The following CADM2 variants were observed in gnomAD, a reference collection of about 807,000 sequenced individuals.
The protein encoded by CADM2 is cell adhesion molecule 2, also known as immunoglobulin superfamily member 4D.
Under a neutral mutation model 49.8 loss-of-function variants are expected in CADM2, and 12 were observed. The observed-to-expected ratio is 0.24, with a 90% CI of 0.15 to 0.39. CADM2 has a LOEUF of 0.39. CADM2 is among the 10% of genes least tolerant of loss of function. The pLI is 1.00. For synonymous variants in CADM2, 214 were observed against 175.4 expected, an observed-to-expected ratio of 1.22 and a Z score of -1.74; for missense variants, 378 against 492.3, an observed-to-expected ratio of 0.77 and a Z score of 2.20.
chr3:85,436,844 A>C (rs991200636), intron 1 of CADM2, among the ~76,000 whole-genome samples: 1 of 152,202 alleles, frequency 6.6e-6, no homozygotes, highest in Admixed American at 6.5e-5. Context: ...ATGAACCTAC[A>C]TTGACACATC....
chr3:85,895,670 G>A (rs1715122853), intron 5 of CADM2, among the ~76,000 whole-genome samples: 1 of 152,176 alleles, frequency 6.6e-6, no homozygotes, highest in African/African-American at 2.4e-5. Context: ...GAGGGACCCA[G>A]TGGGAGGTAA....
At chr3:85,134,539 A>G (rs1166499998) in intron 1 of CADM2, among the ~76,000 whole-genome samples, 1 of 152,250 alleles carries the variant, frequency 6.6e-6, no homozygotes, top group Non-Finnish European at 1.5e-5. Flanking sequence ...CAGTTTTTGT[A>G]ATTTTAGCAG....
intron 1 of CADM2, among the ~76,000 whole-genome samples, chr3:85,092,947 G>T (rs540076812): frequency 6.6e-6 from 1 of 151,924 alleles, no homozygotes; most frequent in African/African-American, 2.4e-5. Flanking sequence ...AGGTTTTATT[G>T]TCCTGTTTTA....
intron 3 of CADM2, among the ~76,000 whole-genome samples, chr3:85,807,200 A>G (rs1363418394): frequency 6.6e-6 from 1 of 152,084 alleles, no homozygotes; most frequent in Non-Finnish European, 1.5e-5. Flanking sequence ...GAAGATATAC[A>G]TAGATTAAGA....
At chr3:85,592,162 C>T (rs2063124649) in intron 1 of CADM2, among the ~76,000 whole-genome samples, 1 of 151,756 alleles carries the variant, frequency 6.6e-6, no homozygotes, top group East Asian at 1.9e-4. Flanking sequence ...ATTAATATAA[C>T]AAGATGGAAA....
chr3:85,822,097 G>A (rs1471586593), intron 3 of CADM2, among the ~76,000 whole-genome samples: 1 of 152,030 alleles, frequency 6.6e-6, no homozygotes, highest in Non-Finnish European at 1.5e-5. Context: ...CTTGGTTGTG[G>A]CTTATTAATT....
At chr3:85,058,133 AT>A (rs2036163092) in intron 1 of CADM2, among the ~76,000 whole-genome samples, 1 of 152,178 alleles carries the variant, frequency 6.6e-6, no homozygotes, top group Admixed American at 6.5e-5. Context: ...TATGTAAACT[AT>A]GGGAAAAGTT....
chr3:85,381,906 T>C (rs1280669528), intron 1 of CADM2, among the ~76,000 whole-genome samples: 2 of 151,964 alleles, frequency 1.3e-5, no homozygotes, highest in East Asian at 3.9e-4. Flanking sequence ...TCAGAAAGGC[T>C]CAGAAAAACC....
At chr3:85,891,020 CT>C (rs34058516) in intron 5 of CADM2, among the ~76,000 whole-genome samples, 16 of 151,884 alleles carry the variant, frequency 1.1e-4, no homozygotes, top group African/African-American at 3.4e-4. Flanking sequence ...AATAGTGAGA[CT>C]TTTTTTTAAT....
At chr3:85,731,929 T>A (rs2067948919) in intron 2 of CADM2, among the ~76,000 whole-genome samples, 1 of 151,918 alleles carries the variant, frequency 6.6e-6, no homozygotes, top group African/African-American at 2.4e-5. Flanking sequence ...CTTAACTACT[T>A]TTTTAAAGCT....
intron 1 of CADM2, among the ~76,000 whole-genome samples, chr3:85,116,427 A>G (rs2038640764): frequency 6.6e-6 from 1 of 152,138 alleles, no homozygotes; most frequent in African/African-American, 2.4e-5. Flanking sequence ...CTAGTTTAAA[A>G]AATAAGAAAA....
intron 1 of CADM2, among the ~76,000 whole-genome samples, chr3:85,688,809 C>T (rs1400147042): frequency 2.0e-5 from 3 of 152,072 alleles, no homozygotes; most frequent in Non-Finnish European, 4.4e-5. Flanking sequence ...CTCAAGCGAT[C>T]CTCCTGTCTC....
chr3:84,990,955 T>C (rs1419091748), intron 1 of CADM2, among the ~76,000 whole-genome samples: 2 of 152,120 alleles, frequency 1.3e-5, no homozygotes, highest in Non-Finnish European at 2.9e-5. Context: ...TATAGACCTG[T>C]ATAATGGGTT....
chr3:85,936,656 T>A (rs1721218218), intron 7 of CADM2, among the ~76,000 whole-genome samples: 1 of 151,854 alleles, frequency 6.6e-6, no homozygotes, highest in South Asian at 2.1e-4. Flanking sequence ...TATATAACTA[T>A]ATGAGATTGC....
intron 1 of CADM2, among the ~76,000 whole-genome samples, chr3:85,721,725 G>A (rs558317659): frequency 1.3e-5 from 2 of 152,200 alleles, no homozygotes; most frequent in Non-Finnish European, 2.9e-5. Context: ...GCCCCAAAGT[G>A]GGAGCCACAG....
chr3:85,098,522 G>T (rs2037889619), intron 1 of CADM2, among the ~76,000 whole-genome samples: 2 of 152,120 alleles, frequency 1.3e-5, no homozygotes, highest in South Asian at 4.1e-4. Context: ...ACTGAATTTG[G>T]ATGTAAGGGG....
intron 1 of CADM2, among the ~76,000 whole-genome samples, chr3:85,610,866 T>C (rs1409127919): frequency 6.6e-6 from 1 of 152,020 alleles, no homozygotes; most frequent in Non-Finnish European, 1.5e-5. Context: ...CAACTTGATA[T>C]AGACTGTTTC....
At chr3:85,699,858 A>G (rs1438044620) in intron 1 of CADM2, among the ~76,000 whole-genome samples, 1 of 152,166 alleles carries the variant, frequency 6.6e-6, no homozygotes, top group East Asian at 1.9e-4. Flanking sequence ...TCCCATGAAA[A>G]TGGGCTTTTC....
chr3:86,017,172 A>G (rs201950273), intron 8 of CADM2, among the ~76,000 whole-genome samples: 12,882 of 85,686 alleles, frequency 0.15, 649 homozygotes, highest in African/African-American at 0.36. Flanking sequence ...GTGTGTGTAT[A>G]TATATATATA....
Sources: gnomAD v4.1 joint callset for allele counts (sites outside exome capture counted in the v4.1 genomes callset) on GRCh38, gnomAD v4.1.1 for gene constraint, MANE v1.5 for transcripts, NCBI Gene and HGNC (gene_info 2026-07-23, HGNC 2026-07-21) for gene names.